Variants in PIK3C3 observed in about 807,000 individuals in gnomAD.
PIK3C3 encodes PI3-kinase type 3.
Under a neutral mutation model 126.1 loss-of-function variants are expected in PIK3C3, and 95 were observed. The observed-to-expected ratio is 0.75, with a 90% CI of 0.64 to 0.89. The LOEUF (loss-of-function observed/expected upper bound fraction) is 0.89. Among genes scored for constraint, PIK3C3 ranks in the 40% least tolerant of loss-of-function variants. The probability of loss-of-function intolerance (pLI) is 0.00; values close to 1 mark genes in which losing one functional copy is unlikely to be tolerated. For missense variants in PIK3C3, 829 were observed against 1,063.2 expected, an observed-to-expected ratio of 0.78 and a Z score of 3.06; for synonymous variants, 374 against 360.0, an observed-to-expected ratio of 1.04 and a Z score of -0.44.
intron 16 of PIK3C3, among the ~76,000 whole-genome samples, chr18:42,037,441 G>A (rs1441468143): frequency 1.3e-5 from 2 of 152,216 alleles, no homozygotes; most frequent in Non-Finnish European, 2.9e-5. Context: ...GTACCTGGGA[G>A]AGCTTGGAAT....
chr18:42,040,184 A>G (rs193022579), intron 18 of PIK3C3, among the ~76,000 whole-genome samples: 91 of 88,654 alleles, frequency 1.0e-3, no homozygotes, highest in Non-Finnish European at 1.5e-3. Flanking sequence ...TTGGTAGTTT[A>G]AGGGATTTAC....
intron 12 of PIK3C3, among the ~76,000 whole-genome samples, chr18:42,017,641 C>T (rs898912012): frequency 1.3e-5 from 2 of 152,060 alleles, no homozygotes; most frequent in Non-Finnish European, 2.9e-5. Flanking sequence ...AAATAAATTG[C>T]ATCTTTATCA....
At chr18:42,062,665 A>G (rs762285343) in intron 22 of PIK3C3, among the ~76,000 whole-genome samples, 9 of 151,834 alleles carry the variant, frequency 5.9e-5, no homozygotes, top group Non-Finnish European at 1.2e-4. Context: ...GACTTTACGT[A>G]TGATCCTAGT....
intron 4 of PIK3C3, among the ~76,000 whole-genome samples, chr18:41,974,619 G>A (rs1409981742): frequency 7.2e-6 from 1 of 139,076 alleles, no homozygotes; most frequent in Non-Finnish European, 1.5e-5. Context: ...TTAGTATAGT[G>A]TCTTTCCGTT....
intron 12 of PIK3C3, 52 bp downstream of exon 12, chr18:42,015,618 C>A: frequency 8.3e-7 from 1 of 1,211,014 alleles, no homozygotes; most frequent in Non-Finnish European, 1.2e-6. Context: ...ACTGCATGAA[C>A]ATTTTATACT....
chr18:42,076,133 T>TATATGCAC lies in PIK3C3; in HGVS notation c.2650-4986_2650-4985insGCACATAT, dbSNP rs1555643383. The stretch of plus-strand genomic sequence containing the variant: ...ATATATATATATATGCGCATATATA[T>TATATGCAC]ATATATATATGCGCATATATATATA... On this transcript the variant is annotated intron_variant, in intron 24 of 24. Transcript: ENST00000262039. Among the ~76,000 whole-genome samples the TATATGCAC allele has an allele frequency of 1.4e-4, 13 of 91,854 alleles. 1 individual carries two copies. The highest frequency in any genetic ancestry group is 1.6e-4 in the Non-Finnish European group (8 of 49,970). The allele number at this position is 91,854 out of a possible 152,430, so 60.3% of individuals were successfully genotyped here. A position where few individuals can be genotyped will look rare whatever the true frequency, so the allele number is the denominator to read the frequency against.
At chr18:41,972,287 A>G (rs539306525) in intron 4 of PIK3C3, among the ~76,000 whole-genome samples, 17 of 152,076 alleles carry the variant, frequency 1.1e-4, no homozygotes, top group African/African-American at 1.7e-4. Flanking sequence ...GCAGAGCTCA[A>G]TGAGGTGTAG....
chr18:41,972,134 CT>C (rs575412211), intron 4 of PIK3C3, among the ~76,000 whole-genome samples: 52 of 152,032 alleles, frequency 3.4e-4, no homozygotes, highest in Admixed American at 1.8e-3. Context: ...TCATTTTAAT[CT>C]TTTGAATTTT....
At chr18:42,015,326 A>G (rs1983022159) in intron 11 of PIK3C3, 150 bp from the exon 12 acceptor site, 1 of 604,996 alleles carries the variant, frequency 1.7e-6, no homozygotes, top group Admixed American at 2.7e-5. Context: ...TTTCCAGAGT[A>G]CAATGTGACT....
At position 41,955,286 on chromosome 18, in the gene PIK3C3, G is replaced by T; in HGVS notation, c.-6G>T. On this transcript the variant is annotated 5_prime_UTR_variant, in exon 1 of 25. Transcript: ENST00000262039. ...CGCTGTAGGTGGTACCTTTGCAGAC[G>T]GTGCGATGGGGGAAGCAGAGAAGTT... The T allele has an allele frequency of 1.9e-6, 3 of 1,612,044 alleles. No individual in the cohort carries two copies. Among genetic ancestry groups the T allele is most frequent in the Non-Finnish European group, 2.5e-6 (3 of 1,178,758 alleles).
chr18:41,967,076 A>G (rs760823402), intron 3 of PIK3C3, among the ~76,000 whole-genome samples: 1 of 151,978 alleles, frequency 6.6e-6, no homozygotes. Context: ...TAGCCTTGCC[A>G]TGTGGGTGAG....
intron 15 of PIK3C3, among the ~76,000 whole-genome samples, chr18:42,031,351 C>T (rs1474603915): frequency 6.6e-6 from 1 of 152,084 alleles, no homozygotes; most frequent in Non-Finnish European, 1.5e-5. Flanking sequence ...TCGTTGATCT[C>T]TAGTTTAGGA....
chr18:41,980,644 T>A (rs1441976476), intron 4 of PIK3C3, among the ~76,000 whole-genome samples: 1 of 151,994 alleles, frequency 6.6e-6, no homozygotes, highest in East Asian at 1.9e-4. Context: ...GATGAAACTT[T>A]GTCTCTGTAA....
At chr18:41,990,743 C>G (rs1344459852) in intron 6 of PIK3C3, 189 bp downstream of exon 6, 2 of 508,242 alleles carry the variant, frequency 3.9e-6, no homozygotes, top group Non-Finnish European at 7.0e-6. Context: ...GCCTATCACT[C>G]ATGTAATGCA....
chr18:41,977,596 C>T (rs963510940), intron 4 of PIK3C3, among the ~76,000 whole-genome samples: 2 of 151,790 alleles, frequency 1.3e-5, no homozygotes, highest in Non-Finnish European at 2.9e-5. Context: ...TCAAGCGATT[C>T]TCTGCCTCAG....
At chr18:42,026,596 T>TCCA (rs1983581357) in intron 13 of PIK3C3, 4 of 152,098 alleles carry the variant, frequency 2.6e-5, no homozygotes, top group Admixed American at 2.0e-4. Context: ...GCTGGGACTA[T>TCCA]AGTCGGCGAC....
Position 42,070,056 on chromosome 18 carries a change from A to G in PIK3C3, c.2649+2543A>G, listed in dbSNP as rs910468355. On this transcript the variant is annotated intron_variant, in intron 24 of 24. Transcript: ENST00000262039. ...TGGAGGTCCAGCAAAGCTTCACTCA[A>G]TAGGTCTGGCACTTAGGTGTTCTCT... 3.9e-5 allele frequency among the ~76,000 whole-genome samples: 6 copies of G among 152,218 alleles called. No individual in the cohort carries two copies. The East Asian group carries it at 5.8e-4, about 15-fold the overall frequency.
chr18:42,081,212 C>CT lies in PIK3C3; in HGVS notation c.*77dup, dbSNP rs1196052995. On this transcript the variant is annotated 3_prime_UTR_variant, in exon 25 of 25. Coordinates refer to ENST00000262039, the MANE Select transcript of PIK3C3 (RefSeq NM_002647.4). ...AGGAGCAACCTTTGTATATTGGAGACTTCAGAGTAACCAGCAAGGAAGAGA... is the reference window on the plus strand; with the variant it reads ...AGGAGCAACCTTTGTATATTGGAGACTTTCAGAGTAACCAGCAAGGAAGAGA... 9 of 893,086 alleles carry CT rather than the reference C, an allele frequency of 1.0e-5. No individual in the cohort carries two copies. Among genetic ancestry groups the CT allele is most frequent in the African/African-American group, 1.7e-5 (1 of 58,720 alleles). The allele number at this position is 893,086 out of a possible 1,614,324, so 55.3% of individuals were successfully genotyped here.
intron 1 of PIK3C3, among the ~76,000 whole-genome samples, chr18:41,956,239 G>C (rs1209222214): frequency 2.6e-5 from 4 of 152,176 alleles, no homozygotes; most frequent in African/African-American, 7.2e-5. Context: ...TCAGTTGTCT[G>C]ATGTACCTTT....
Sources: allele counts gnomAD v4.1 joint callset (sites outside exome capture counted in the v4.1 genomes callset), GRCh38; gene constraint gnomAD v4.1.1; transcripts MANE v1.5; gene names NCBI Gene and HGNC (gene_info 2026-07-23, HGNC 2026-07-21).